Variants in FREM1 observed in about 807,000 individuals in gnomAD.
FREM1 encodes the protein FRAS1 related extracellular matrix 1, also known as FRAS1-related extracellular matrix protein 1.
FREM1 carries 220 observed loss-of-function variants against 210.1 expected under a neutral mutation model. The ratio of observed to expected loss-of-function variants is 1.05; its 90% CI spans 0.94 to 1.17. The LOEUF is 1.17. Among genes scored for constraint, FREM1 ranks in the 50% most tolerant of loss-of-function variants. The pLI, the probability that FREM1 is intolerant of heterozygous loss-of-function variation, is 0.00. For missense variants in FREM1, 3,454 were observed against 2,675.5 expected (o/e 1.29, Z -6.42); for synonymous variants, 1,189 against 980.2 (o/e 1.21, Z -3.98).
intron 1 of FREM1, among the ~76,000 whole-genome samples, chr9:14,871,826 G>A (rs1451098592): frequency 6.6e-6 from 1 of 152,078 alleles, no homozygotes; most frequent in Non-Finnish European, 1.5e-5. Flanking sequence ...AATCCATCTT[G>A]AATTAATTTT....
intron 25 of FREM1, chr9:14,773,986 G>A (rs1587871211): frequency 2.2e-6 from 1 of 461,314 alleles, no homozygotes; most frequent in Non-Finnish European, 4.3e-6. Flanking sequence ...CTAACAGACT[G>A]AAAAGGGAAA....
chr9:14,784,890 C>T (rs1317192210), intron 23 of FREM1, among the ~76,000 whole-genome samples: 2 of 152,164 alleles, frequency 1.3e-5, no homozygotes, highest in Admixed American at 1.3e-4. Context: ...ATACAAATAT[C>T]ATGATAAATT....
chr9:14,851,509 C>A lies in FREM1; in HGVS notation c.927G>T (p.Gln309His). 1 of 1,613,976 alleles carries A rather than the reference C, an allele frequency of 6.2e-7. No individual in the cohort carries two copies. Residue 309 changes from glutamine (Q) to histidine (H), a missense_variant, in exon 6 of 37, where the codon CAG (glutamine) becomes CAT (histidine). Physicochemically the swap from Gln to His is conservative, Grantham distance 24. Coordinates refer to ENST00000380880, the MANE Select transcript of FREM1 (RefSeq NM_001379081.2). ...ATGTAGTCAAGGAGGTCAGGATGAA[C>A]TGATCCACTTCCAGAATAAACACGG... ...FMAVFILEVD[Q>H]FILTSLTTSV...
chr9:14,825,548 T>TGTATATATATATAC (rs1554685284), intron 10 of FREM1, among the ~76,000 whole-genome samples: 973 of 43,232 alleles, frequency 0.023, 34 homozygotes, highest in African/African-American at 0.066. Context: ...TGTGTGTGTG[T>TGTATATATATATAC]ATATATATAT....
intron 1 of FREM1, among the ~76,000 whole-genome samples, chr9:14,901,079 G>A (rs541641672): frequency 6.6e-6 from 1 of 152,258 alleles, no homozygotes; most frequent in Non-Finnish European, 1.5e-5. Flanking sequence ...ACAAAGATAA[G>A]TCTATATATT....
At position 14,750,184 on chromosome 9, in the gene FREM1, T is replaced by G; in HGVS notation, c.5500A>C (p.Asn1834His). 1 of 1,613,860 alleles carries G rather than the reference T, an allele frequency of 6.2e-7. No homozygotes were observed. The highest frequency in any genetic ancestry group is 8.5e-7 in the Non-Finnish European group (1 of 1,179,798). The change falls in exon 30 of 37, where the codon AAT becomes CAT. Residue 1834 changes from asparagine to histidine, a missense_variant. Asn to His is a moderately conservative substitution (Grantham distance 68). Coordinates refer to ENST00000380880, the MANE Select transcript of FREM1 (RefSeq NM_001379081.2). Reference protein sequence around the residue: ...VFEVILNSPVNAVLGTKTKAA... With the variant: ...VFEVILNSPVHAVLGTKTKAA... ...TTTGTCTTTGTGCCAAGAACTGCAT[T>G]CACAGGGGAGTTCAGAATTACTTCA...
rs756895862 is a variant in FREM1 at position 14,842,406 on chromosome 9, C to T, written c.1648G>A (p.Val550Met). The T allele has an allele frequency of 1.2e-6, 2 of 1,613,964 alleles. No homozygotes were observed. Among genetic ancestry groups the T allele is most frequent in the East Asian group, 2.2e-5 (1 of 44,880 alleles). The change falls in exon 9 of 37, where the codon GTG becomes ATG. Residue 550 changes from valine to methionine, a missense_variant. Transcript: ENST00000380880. ...IQGSMLRASD[V>M]DASDDYIFFN... Reference sequence around the variant, plus strand: ...AAGATGTAGTCATCACTGGCGTCCACATCTGAAGCTCGCAGCATGGATCCC... The same window carrying T: ...AAGATGTAGTCATCACTGGCGTCCATATCTGAAGCTCGCAGCATGGATCCC...
At chr9:14,846,710 A>G (rs1029321854) in intron 7 of FREM1, among the ~76,000 whole-genome samples, 1 of 152,172 alleles carries the variant, frequency 6.6e-6, no homozygotes, top group Non-Finnish European at 1.5e-5. Context: ...ATTAACTCCA[A>G]TATTACAACA....
chr9:14,853,395 C>A (rs867680404), intron 5 of FREM1, among the ~76,000 whole-genome samples: 2 of 152,130 alleles, frequency 1.3e-5, no homozygotes, highest in South Asian at 4.1e-4. Flanking sequence ...AGAATCAAAT[C>A]CTAGGAGCTG....
At chr9:14,779,022 G>A (rs927408174) in intron 24 of FREM1, among the ~76,000 whole-genome samples, 9 of 152,042 alleles carry the variant, frequency 5.9e-5, no homozygotes, top group East Asian at 1.9e-4. Context: ...TTATTTCTCA[G>A]GCAGAGCCTG....
intron 8 of FREM1, among the ~76,000 whole-genome samples, chr9:14,843,417 T>C (rs1826026339): frequency 6.6e-6 from 1 of 152,150 alleles, no homozygotes; most frequent in African/African-American, 2.4e-5. Flanking sequence ...TTCCTGGTTC[T>C]CCAACAGCCT....
chr9:14,900,840 C>A (rs1227285330), intron 1 of FREM1, among the ~76,000 whole-genome samples: 1 of 152,204 alleles, frequency 6.6e-6, no homozygotes, highest in Non-Finnish European at 1.5e-5. Context: ...ATGGAAATCA[C>A]AGGCTATGGG....
At chr9:14,791,817 A>ATGGTT (rs1588001221) in intron 22 of FREM1, among the ~76,000 whole-genome samples, 1 of 106,482 alleles carries the variant, frequency 9.4e-6, no homozygotes, top group African/African-American at 3.5e-5. Flanking sequence ...TACTCAGATA[A>ATGGTT]TGGTTTGTTT....
At chr9:14,795,117 T>C (rs1370785842) in intron 21 of FREM1, among the ~76,000 whole-genome samples, 1 of 152,176 alleles carries the variant, frequency 6.6e-6, no homozygotes, top group Non-Finnish European at 1.5e-5. Flanking sequence ...AATGGGGGAC[T>C]AGCTTGTCTT....
chr9:14,739,380 A>G (rs1030242590), intron 36 of FREM1, among the ~76,000 whole-genome samples: 3 of 150,884 alleles, frequency 2.0e-5, no homozygotes, highest in African/African-American at 7.3e-5. Flanking sequence ...CTAGGATTAC[A>G]GGCGTGAGCC....
At chr9:14,761,251 C>T (rs530354453) in intron 27 of FREM1, among the ~76,000 whole-genome samples, 17 of 152,056 alleles carry the variant, frequency 1.1e-4, no homozygotes, top group Non-Finnish European at 1.9e-4. Flanking sequence ...ATTAAGCTCA[C>T]GAGCCAGATA....
At position 14,842,559 on chromosome 9, in the gene FREM1, T is replaced by C. The variant is rs1353223; in HGVS notation, c.1495A>G (p.Ile499Val). Residue 499 changes from isoleucine to valine, a missense_variant, in exon 9 of 37, where the codon ATA (isoleucine) becomes GTA (valine). Coordinates refer to ENST00000380880, the MANE Select transcript of FREM1 (RefSeq NM_001379081.2). ...CGGATGCTGTGATGGCCATCAAATA[T>C]CCGGAAGACCACGAAGTCTTTGGTG... ...DSTKDFVVFR[I>V]FDGHHSIRHK... The C allele has an allele frequency of 0.065, 105,206 of 1,613,800 alleles. 3,966 individuals carry two copies. Among genetic ancestry groups the C allele is most frequent in the African/African-American group, 0.14 (10,633 of 74,990 alleles).
chr9:14,846,716 C>G (rs1421166681), intron 7 of FREM1, among the ~76,000 whole-genome samples: 4 of 152,128 alleles, frequency 2.6e-5, no homozygotes, highest in Admixed American at 2.0e-4. Flanking sequence ...TCCAATATTA[C>G]AACAGATTAC....
At chr9:14,810,912 C>T (rs1311524642) in intron 16 of FREM1, among the ~76,000 whole-genome samples, 1 of 152,128 alleles carries the variant, frequency 6.6e-6, no homozygotes, top group Non-Finnish European at 1.5e-5. Flanking sequence ...AAGTTTTCTG[C>T]AATGAGTGTG....
Sources: allele counts gnomAD v4.1 joint callset (sites outside exome capture counted in the v4.1 genomes callset), GRCh38; gene constraint gnomAD v4.1.1; transcripts MANE v1.5; gene names NCBI Gene and HGNC (gene_info 2026-07-23, HGNC 2026-07-21).